The following HERC1 variants were observed in gnomAD, a reference collection of about 807,000 sequenced individuals.
HERC1 encodes HECT and RLD domain containing E3 ubiquitin protein ligase family member 1.
In HERC1, 160 loss-of-function variants were observed where a neutral mutation model predicts 554.3. The ratio of observed to expected loss-of-function variants is 0.29; its 90% confidence interval spans 0.25 to 0.33. The LOEUF (loss-of-function observed/expected upper bound fraction) is 0.33, where lower values mean the gene tolerates loss of function less well. Among genes scored for constraint, HERC1 ranks in the 10% least tolerant of loss-of-function variants. The pLI, the probability that HERC1 is intolerant of heterozygous loss-of-function variation, is 1.00. For missense variants in HERC1, 4,919 were observed against 5,918.5 expected (o/e 0.83, Z 5.54); for synonymous variants, 2,175 against 2,131.7 (o/e 1.02, Z -0.56).
intron 77 of HERC1, among the ~76,000 whole-genome samples, chr15:63,611,718 G>A (rs896467938): frequency 1.7e-4 from 26 of 152,252 alleles, no homozygotes; most frequent in African/African-American, 5.5e-4. Context: ...GTTGTTGGTT[G>A]TAGTATGCTC....
At position 63,749,222 on chromosome 15, in the gene HERC1, A is replaced by C; in HGVS notation, c.2219+145T>G. On this transcript the variant is annotated intron_variant, in intron 10 of 77. Transcript: ENST00000443617. The surrounding 1 kb of genome is among the most constrained non-coding windows in gnomAD (Gnocchi z 4.1). ...TAAAAAGAAATCTAATGTCATTTCT[A>C]TGATAGAGAAAAAGCAATACTATAT... 6.6e-6 allele frequency: 4 copies of C among 604,452 alleles called. No individual in the cohort carries two copies. The highest frequency in any genetic ancestry group is 8.2e-6 in the Non-Finnish European group (3 of 367,500). 37.4% of individuals were successfully genotyped at this position (604,452 alleles called of 1,614,324 possible). A position where few individuals can be genotyped will look rare whatever the true frequency, so the allele number is the denominator to read the frequency against.
Position 63,833,936 on chromosome 15 carries a change from C to A in HERC1, c.-136G>T. On this transcript the variant is annotated 5_prime_UTR_variant, in exon 1 of 78. Transcript: ENST00000443617. ...TTTTGCTGCAGCAGCAGCGACTTGT[C>A]AAAGGGAAAGACGTAAGAGGCGGCG... 6.5e-6 allele frequency: 1 copy of A among 152,956 alleles called. No homozygotes were observed. Among genetic ancestry groups the A allele is most frequent in the South Asian group, 1.9e-4 (1 of 5,234 alleles). 9.5% of individuals were successfully genotyped at this position (152,956 alleles called of 1,614,324 possible).
intron 25 of HERC1, among the ~76,000 whole-genome samples, chr15:63,705,566 AC>A (rs2072960344): frequency 6.6e-6 from 1 of 152,112 alleles, no homozygotes; most frequent in Non-Finnish European, 1.5e-5. Flanking sequence ...TGGATGAGAA[AC>A]CTAACATTCT....
In HERC1 at chr15:63,645,548, A is replaced by G; in HGVS notation, c.11013T>C (p.Ile3671=). The G allele has an allele frequency of 1.2e-6, 2 of 1,613,616 alleles. No homozygotes were observed. The highest frequency in any genetic ancestry group is 1.7e-6 in the Non-Finnish European group (2 of 1,179,716). The part of the protein sequence containing the change: ...CCLHSLCHPS[I]VNGIAWCRLP... Reference sequence around the variant, plus strand: ...GGCGGCACCAAGCAATGCCATTTACAATAGATGGATGGCAGAGTGAATGTA... The same window carrying G: ...GGCGGCACCAAGCAATGCCATTTACGATAGATGGATGGCAGAGTGAATGTA... The change falls in exon 56 of 78, where the codon ATT becomes ATC. Residue 3671 remains isoleucine (I), a synonymous_variant. Transcript: ENST00000443617.
chr15:63,672,395 G>A, intron 39 of HERC1, 101 bp downstream of exon 39: 4 of 769,190 alleles, frequency 5.2e-6, no homozygotes, highest in Non-Finnish European at 8.1e-6. Context: ...TCTAGCTCTA[G>A]AACACCAAGA....
At chr15:63,671,727 C>A (rs561247392) in intron 39 of HERC1, among the ~76,000 whole-genome samples, 1 of 152,236 alleles carries the variant, frequency 6.6e-6, no homozygotes, top group Admixed American at 6.5e-5. Flanking sequence ...AGAATCACTA[C>A]AATAGACACT....
At chr15:63,712,049 A>G (rs2073323786) in intron 24 of HERC1, among the ~76,000 whole-genome samples, 1 of 152,202 alleles carries the variant, frequency 6.6e-6, no homozygotes, top group South Asian at 2.1e-4. Flanking sequence ...ATAAATTAGC[A>G]TCTTATTTAT....
intron 2 of HERC1, among the ~76,000 whole-genome samples, chr15:63,764,773 A>T (rs146856643): frequency 0.014 from 2,081 of 152,306 alleles, 24 homozygotes; most frequent in East Asian, 0.031. Context: ...AATTGACTGC[A>T]GCCAGCACCA....
chr15:63,689,627 T>A lies in HERC1; in HGVS notation c.6010A>T (p.Ile2004Phe). The A allele has an allele frequency of 6.3e-7, 1 of 1,581,706 alleles. No homozygotes were observed. The highest frequency in any genetic ancestry group is 8.6e-7 in the Non-Finnish European group (1 of 1,162,316). The change falls in exon 33 of 78, where the codon ATT (isoleucine) becomes TTT (phenylalanine). Residue 2004 changes from isoleucine (I) to phenylalanine (F), a missense_variant. Coordinates refer to ENST00000443617, the MANE Select transcript of HERC1 (RefSeq NM_003922.4). ...ETPIAQAKHA[I>F]QIKEKEQEIK... ...TCTTGTTCTTTTTCCTTTATCTGAATAGCATGTTTGGCCTGAGCAATGGGT... is the reference window on the plus strand; with the variant it reads ...TCTTGTTCTTTTTCCTTTATCTGAAAAGCATGTTTGGCCTGAGCAATGGGT...
intron 2 of HERC1, among the ~76,000 whole-genome samples, chr15:63,773,033 GT>G (rs780584280): frequency 1.8e-4 from 28 of 152,144 alleles, no homozygotes; most frequent in Non-Finnish European, 3.2e-4. Flanking sequence ...CTTTCTACTT[GT>G]TGCGGGTAGG....
At chr15:63,824,682 T>C (rs1254758762) in intron 1 of HERC1, among the ~76,000 whole-genome samples, 2 of 152,064 alleles carry the variant, frequency 1.3e-5, no homozygotes, top group African/African-American at 4.8e-5. Context: ...AACTCAGATA[T>C]GGAACCAACC....
At chr15:63,687,427 A>G (rs1442159255) in intron 33 of HERC1, among the ~76,000 whole-genome samples, 1 of 152,114 alleles carries the variant, frequency 6.6e-6, no homozygotes, top group Non-Finnish European at 1.5e-5. Context: ...AATCCCAGCT[A>G]CTTAGGAAGC....
rs971650174 is a variant in HERC1 at position 63,666,978 on chromosome 15, T to A, written c.8207-506A>T. Among the ~76,000 whole-genome samples the A allele has an allele frequency of 3.3e-5, 5 of 152,216 alleles. No individual in the cohort carries two copies. In the East Asian group the frequency reaches 7.7e-4, roughly 23 times the overall value. ...GCATTTTTATGCTTTTGGTCGGTGA[T>A]TTCCCTGATTAAAATGGCCCCAAGC... On this transcript the variant is annotated intron_variant, in intron 40 of 77. Coordinates refer to ENST00000443617, the MANE Select transcript of HERC1 (RefSeq NM_003922.4).
In HERC1 at chr15:63,756,060, C is replaced by T. The variant is rs2075411672; in HGVS notation, c.1533+377G>A. Among the ~76,000 whole-genome samples, 1 of 152,248 alleles carries T rather than the reference C, an allele frequency of 6.6e-6. No homozygotes were observed. Among genetic ancestry groups the T allele is most frequent in the South Asian group, 2.1e-4 (1 of 4,820 alleles). On this transcript the variant is annotated intron_variant, in intron 5 of 77. Coordinates refer to ENST00000443617, the MANE Select transcript of HERC1 (RefSeq NM_003922.4). This position sits in a 1 kb window ranked among gnomAD's most constrained non-coding sequence, Gnocchi z 5.0. ...TGAAATTATTCTATATGCTTGTTAA[C>T]TTATTATCTCTATCCTGAAGACTAA...
intron 2 of HERC1, among the ~76,000 whole-genome samples, chr15:63,774,314 T>C (rs9972569): frequency 0.48 from 72,358 of 152,102 alleles, 18,149 homozygotes; most frequent in Non-Finnish European, 0.55. Context: ...ACTTGGCATA[T>C]AGTAAATGTT....
intron 63 of HERC1, 38 bp from the exon 64 acceptor site, chr15:63,637,681 A>T: frequency 6.7e-7 from 1 of 1,490,494 alleles, no homozygotes; most frequent in South Asian, 1.3e-5. Context: ...TTTATTCTTT[A>T]TTATATTGCT....
intron 2 of HERC1, among the ~76,000 whole-genome samples, chr15:63,767,095 G>A (rs940366740): frequency 2.0e-5 from 3 of 151,270 alleles, no homozygotes; most frequent in South Asian, 2.1e-4. Context: ...TCCACCTTCC[G>A]GGTTTAAGCA....
intron 1 of HERC1, among the ~76,000 whole-genome samples, chr15:63,797,763 G>A (rs1019290625): frequency 6.6e-6 from 1 of 152,192 alleles, no homozygotes; most frequent in Non-Finnish European, 1.5e-5. Context: ...AACCTGTCAG[G>A]AGATTACAAA....
chr15:63,665,954 A>C lies in HERC1; in HGVS notation c.8520T>G (p.Ala2840=), dbSNP rs377560628. Residue 2840 remains alanine (A), a synonymous_variant, in exon 42 of 78, where the codon GCT becomes GCG. Transcript: ENST00000443617. ...AACCTTCCTCCATTTCAGCAGCATCAGCTGATGGTATGTCTCCAGGTGACT... is the reference window on the plus strand; with the variant it reads ...AACCTTCCTCCATTTCAGCAGCATCCGCTGATGGTATGTCTCCAGGTGACT... ...YLQSPGDIPS[A]DAAEMEEGFS... 57 of 1,613,732 alleles carry C rather than the reference A, an allele frequency of 3.5e-5. No homozygotes were observed. The highest frequency in any genetic ancestry group is 1.8e-4 in the East Asian group (8 of 44,896).
Sources: gnomAD v4.1 joint callset for allele counts (sites outside exome capture counted in the v4.1 genomes callset) on GRCh38, gnomAD v4.1.1 for gene constraint, Gnocchi (gnomAD v3.1) non-coding constraint, MANE v1.5 for transcripts, NCBI Gene and HGNC (gene_info 2026-07-23, HGNC 2026-07-21) for gene names.